Variants in CRB2 observed in about 807,000 individuals in gnomAD.
CRB2 encodes protein crumbs homolog 2.
A neutral mutation model predicts 110.9 loss-of-function variants in CRB2; 85 were observed. The observed-to-expected ratio is 0.77, with a 90% CI of 0.64 to 0.92. The LOEUF is 0.92. Ranked by LOEUF, CRB2 falls within the 40% of genes least tolerant of loss-of-function variation. The pLI, the probability that CRB2 is intolerant of heterozygous loss-of-function variation, is 0.00. For synonymous variants in CRB2, 907 were observed against 831.0 expected, an observed-to-expected ratio of 1.09 and a Z score of -1.57; for missense variants, 1,843 against 1,851.3, an observed-to-expected ratio of 1.00 and a Z score of 0.08.
At chr9:123,358,415 C>T (rs2041824152) in intron 1 of CRB2, among the ~76,000 whole-genome samples, 1 of 152,182 alleles carries the variant, frequency 6.6e-6, no homozygotes, top group South Asian at 2.1e-4. Flanking sequence ...GAGTCCAGGC[C>T]CCAAGTCCGG....
intron 1 of CRB2, among the ~76,000 whole-genome samples, chr9:123,362,078 C>T (rs2041874957): frequency 6.6e-6 from 1 of 152,168 alleles, no homozygotes; most frequent in Non-Finnish European, 1.5e-5. Context: ...GCCGGCCACT[C>T]AGGTGTTTGC....
At chr9:123,361,988 G>A (rs2041874099) in intron 1 of CRB2, among the ~76,000 whole-genome samples, 1 of 152,210 alleles carries the variant, frequency 6.6e-6, no homozygotes, top group South Asian at 2.1e-4. Context: ...GAGCCCCGGT[G>A]CTGGAAGCAT....
At position 123,371,374 on chromosome 9, in the gene CRB2, C is replaced by G. The variant is rs764349147; in HGVS notation, c.2232C>G (p.His744Gln). ...GPDQLQDLGQ[H>Q]VHVGGRLLAA... The stretch of plus-strand genomic sequence containing the variant: ...ACCAGCTGCAGGACCTGGGGCAGCA[C>G]GTGCACGTGGGTGGGAGGCTCCTTG... Residue 744 changes from histidine (H) to glutamine (Q), a missense_variant, in exon 8 of 13, where the codon CAC becomes CAG. His to Gln is a conservative substitution (Grantham distance 24, BLOSUM62 0). Transcript: ENST00000373631. 6 of 1,605,164 alleles carry G rather than the reference C, an allele frequency of 3.7e-6. No individual in the cohort carries two copies. In the African/African-American group the frequency reaches 6.7e-5, roughly 18 times the overall value.
At position 123,372,181 on chromosome 9, in the gene CRB2, A is replaced by AC. The variant is rs771179885; in HGVS notation, c.2445dup (p.Cys816LeufsTer13). 6.2e-7 allele frequency: 1 copy of AC among 1,613,620 alleles called. No individual in the cohort carries two copies. The highest frequency in any genetic ancestry group is 8.5e-7 in the Non-Finnish European group (1 of 1,179,904). Reference sequence around the variant, plus strand: ...CCTGCCCTGCCTCTCCCACAGCCTGACCCCTGTTTCAATGGTGGGACTTGC... The same window carrying AC: ...CCTGCCCTGCCTCTCCCACAGCCTGACCCCCTGTTTCAATGGTGGGACTTGC... On this transcript the variant is annotated frameshift_variant, in exon 9 of 13. Coordinates refer to ENST00000373631, the MANE Select transcript of CRB2 (RefSeq NM_173689.7). LOFTEE classifies it high-confidence loss of function.
intron 1 of CRB2, among the ~76,000 whole-genome samples, chr9:123,360,319 C>G (rs919557535): frequency 1.3e-5 from 2 of 152,166 alleles, no homozygotes; most frequent in African/African-American, 4.8e-5. Context: ...CCTGCCAGGT[C>G]GGCCCAGGCA....
chr9:123,374,942 A>G (rs923985820), intron 11 of CRB2, among the ~76,000 whole-genome samples: 1 of 152,200 alleles, frequency 6.6e-6, no homozygotes, highest in African/African-American at 2.4e-5. Context: ...GGAGACCATA[A>G]AAGTGCAGAT....
Position 123,365,957 on chromosome 9 carries a change from G to A in CRB2, c.459G>A (p.Ala153=). 2 of 1,597,210 alleles carry A rather than the reference G, an allele frequency of 1.3e-6. No individual in the cohort carries two copies. Among genetic ancestry groups the A allele is most frequent in the Non-Finnish European group, 1.7e-6 (2 of 1,178,932 alleles). The change falls in exon 3 of 13, where the codon GCG becomes GCA. Residue 153 remains alanine, a synonymous_variant. Coordinates refer to ENST00000373631, the MANE Select transcript of CRB2 (RefSeq NM_173689.7). ...CEMEVDECAS[A]PCLHGGSCLD... ...TGGAGGTGGACGAGTGCGCCTCAGC[G>A]CCCTGCCTGCACGGGGGCTCGTGCC...
intron 1 of CRB2, among the ~76,000 whole-genome samples, chr9:123,360,419 G>C (rs904523141): frequency 2.2e-4 from 34 of 152,286 alleles, no homozygotes; most frequent in Middle Eastern, 3.4e-3. Flanking sequence ...GCCCGGGAAG[G>C]GGGGACAGCC....
At chr9:123,358,101 T>G (rs915531146) in intron 1 of CRB2, among the ~76,000 whole-genome samples, 1 of 152,208 alleles carries the variant, frequency 6.6e-6, no homozygotes, top group African/African-American at 2.4e-5. Context: ...CATGACCATT[T>G]CTGCATGCTG....
chr9:123,373,578 G>A lies in CRB2; in HGVS notation c.3047G>A (p.Arg1016His), dbSNP rs1369201296. The change falls in exon 10 of 13, where the codon CGC (arginine) becomes CAC (histidine). Residue 1016 changes from arginine to histidine, a missense_variant. By Grantham distance (29) the Arg-to-His change is conservative. Transcript: ENST00000373631. ...LAENFTGCLG[R>H]VALGGLPLPL... is the part of the protein sequence containing the mutation. The stretch of plus-strand genomic sequence containing the variant: ...GAGAACTTCACCGGCTGCTTGGGCC[G>A]CGTGGCGCTGGGCGGCCTGCCCCTG... 2.1e-6 allele frequency: 3 copies of A among 1,453,942 alleles called. No individual in the cohort carries two copies. Among genetic ancestry groups the A allele is most frequent in the South Asian group, 1.4e-5 (1 of 72,948 alleles). The allele number at this position is 1,453,942 out of a possible 1,614,324, so 90.1% of individuals were successfully genotyped here.
At position 123,372,672 on chromosome 9, in the gene CRB2, G is replaced by T. The variant is rs77906045; in HGVS notation, c.2602+330G>T. On this transcript the variant is annotated intron_variant, in intron 9 of 12. Transcript: ENST00000373631. ...TGGGAAAGTTGGTAGGGGCTTTGAG[G>T]ACACCCAGCTAGGCGGCTCTGACTT... 5.0e-3 allele frequency among the ~76,000 whole-genome samples: 769 copies of T among 152,348 alleles called. 2 individuals carry two copies. Among genetic ancestry groups the T allele is most frequent in the African/African-American group, 0.017 (713 of 41,574 alleles).
chr9:123,375,217 G>T lies in CRB2; in HGVS notation c.3507G>T (p.Arg1169Ser), dbSNP rs1215449157. 6.2e-7 allele frequency: 1 copy of T among 1,612,812 alleles called. No individual in the cohort carries two copies. The highest frequency in any genetic ancestry group is 1.7e-5 in the Admixed American group (1 of 59,846). The stretch of plus-strand genomic sequence containing the variant: ...TTTCTCAGCCCCCCTCCCTCTCCAG[G>T]TGTCAGGTCCCCACTCTCCCCTGTG... ...CSCLEGLAGQ[R>S]CQVPTLPCEA... Residue 1169 changes from arginine (R) to serine (S), a missense_variant and splice_region_variant, in exon 12 of 13, where the codon AGG becomes AGT. Transcript: ENST00000373631.
Position 123,370,426 on chromosome 9 carries a change from C to T in CRB2, c.1373C>T (p.Pro458Leu). 1 of 1,613,518 alleles carries T rather than the reference C, an allele frequency of 6.2e-7. No individual in the cohort carries two copies. Among genetic ancestry groups the T allele is most frequent in the Non-Finnish European group, 8.5e-7 (1 of 1,180,002 alleles). The change falls in exon 7 of 13, where the codon CCC becomes CTC. Residue 458 changes from proline (P) to leucine (L), a missense_variant. By Grantham distance (98) the Pro-to-Leu change is moderately conservative. Transcript: ENST00000373631. ...PIQASVPAGG[P>L]LGLALRFRTT... Reference sequence around the variant, plus strand: ...CAGGCATCAGTGCCAGCTGGTGGCCCCCTGGGTCTGGCACTGAGGTTTCGC... The same window carrying T: ...CAGGCATCAGTGCCAGCTGGTGGCCTCCTGGGTCTGGCACTGAGGTTTCGC...
At position 123,366,249 on chromosome 9, in the gene CRB2, A is replaced by G; in HGVS notation, c.637A>G (p.Thr213Ala). 1 of 1,482,562 alleles carries G rather than the reference A, an allele frequency of 6.7e-7. No individual in the cohort carries two copies. Among genetic ancestry groups the G allele is most frequent in the Non-Finnish European group, 8.9e-7 (1 of 1,127,046 alleles). The allele number at this position is 1,482,562 out of a possible 1,614,324, so 91.8% of individuals were successfully genotyped here. Residue 213 changes from threonine (T) to alanine (A), a missense_variant, in exon 4 of 13, where the codon ACC (threonine) becomes GCC (alanine). Transcript: ENST00000373631. ...VNGFRCDCAG[T>A]GYEGTHCERE... ...CAGGTTCCGGTGCGACTGCGCGGGC[A>G]CCGGCTACGAGGGCACGCACTGCGA...
intron 4 of CRB2, 93 bp from the exon 5 acceptor site, chr9:123,367,079 G>A (rs1351547534): frequency 5.0e-5 from 66 of 1,326,322 alleles, no homozygotes; most frequent in South Asian, 4.5e-5. Context: ...TCCGAGCTGC[G>A]GTCCCTTGCT....
rs777636682 is a variant in CRB2, at chr9:123,370,705, T to A, written c.1652T>A (p.Val551Glu). The A allele has an allele frequency of 6.2e-7, 1 of 1,605,020 alleles. No individual in the cohort carries two copies. Among genetic ancestry groups the A allele is most frequent in the East Asian group, 2.2e-5 (1 of 44,870 alleles). Reference sequence around the variant, plus strand: ...CGGCTCTGTGTGGCCTCTGGTCCTGTGGCCCTGGCTTCCACGGCTTCGGCA... The same window carrying A: ...CGGCTCTGTGTGGCCTCTGGTCCTGAGGCCCTGGCTTCCACGGCTTCGGCA... Reference protein sequence around the residue: ...PARLCVASGPVALASTASATP... With the variant: ...PARLCVASGPEALASTASATP... The change falls in exon 7 of 13, where the codon GTG (valine) becomes GAG (glutamate). Residue 551 changes from valine (V) to glutamate (E), a missense_variant. Physicochemically the swap from Val to Glu is moderately radical, Grantham distance 121. Transcript: ENST00000373631.
chr9:123,367,539 G>A, intron 5 of CRB2, 34 bp from the exon 6 acceptor site: 1 of 1,519,362 alleles, frequency 6.6e-7, no homozygotes, highest in Non-Finnish European at 8.9e-7. Flanking sequence ...GGCTCTGAGG[G>A]TGCAGGTGGG....
At chr9:123,378,841 G>GTCTA (rs2042154344), downstream of CRB2, 1 of 92,004 alleles carries the variant, frequency 1.1e-5, no homozygotes, top group African/African-American at 3.7e-5. Flanking sequence ...TTGAGATGGA[G>GTCTA]TCTAGTTCTG....
chr9:123,373,472 G>A lies in CRB2; in HGVS notation c.2941G>A (p.Ala981Thr), dbSNP rs2042050011. 1.4e-6 allele frequency: 2 copies of A among 1,451,768 alleles called. No individual in the cohort carries two copies. Among genetic ancestry groups the A allele is most frequent in the Admixed American group, 2.7e-5 (1 of 37,362 alleles). The allele number at this position is 1,451,768 out of a possible 1,614,324, so 89.9% of individuals were successfully genotyped here. A position where few individuals can be genotyped will look rare whatever the true frequency, so the allele number is the denominator to read the frequency against. Residue 981 changes from alanine (A) to threonine (T), a missense_variant, in exon 10 of 13, where the codon GCC (alanine) becomes ACC (threonine). By Grantham distance (58) the Ala-to-Thr change is moderately conservative (BLOSUM62 0). Transcript: ENST00000373631. ...CTGGCTGCTGTGGCTGGATGGTGCC[G>A]CCACCCCGGTGGCGCTGCGCGGCCT... Reference protein sequence around the residue: ...SRWLLWLDGAATPVALRGLAS... With the variant: ...SRWLLWLDGATTPVALRGLAS...
Sources: gnomAD v4.1 joint callset for allele counts (sites outside exome capture counted in the v4.1 genomes callset) on GRCh38, gnomAD v4.1.1 for gene constraint, MANE v1.5 for transcripts, NCBI Gene and HGNC (gene_info 2026-07-23, HGNC 2026-07-21) for gene names.